Variants in CHN1 observed in about 807,000 individuals in gnomAD.
The protein encoded by CHN1 is N-chimaerin.
A neutral mutation model predicts 59.5 loss-of-function variants in CHN1; 37 were observed. The ratio of observed to expected loss-of-function variants is 0.62; its 90% CI spans 0.48 to 0.82. CHN1 has a LOEUF of 0.82. Among genes scored for constraint, CHN1 ranks in the 40% least tolerant of loss-of-function variants. The pLI, the probability that CHN1 is intolerant of heterozygous loss-of-function variation, is 0.00. For synonymous variants in CHN1, 206 were observed against 200.4 expected (o/e 1.03, Z -0.24); for missense variants, 469 against 571.0 (o/e 0.82, Z 1.82).
chr2:175,001,720 A>G (rs1311117698), intron 1 of CHN1, among the ~76,000 whole-genome samples: 2 of 152,324 alleles, frequency 1.3e-5, no homozygotes, highest in South Asian at 2.1e-4. Context: ...CAATCGCATC[A>G]GTTGGTCTGG....
intron 10 of CHN1, among the ~76,000 whole-genome samples, chr2:174,809,971 T>TCAGTCATTCC: frequency 6.6e-6 from 1 of 152,200 alleles, no homozygotes; most frequent in East Asian, 1.9e-4. Flanking sequence ...ATTCAGTCAC[T>TCAGTCATTCC]ATTTCCTAAG....
intron 8 of CHN1, among the ~76,000 whole-genome samples, chr2:174,823,328 A>T (rs1420501096): frequency 1.3e-5 from 2 of 152,220 alleles, no homozygotes; most frequent in African/African-American, 4.8e-5. Flanking sequence ...AATAATAGAC[A>T]TTTAAAATTT....
chr2:174,881,626 T>A (rs1271184502), intron 5 of CHN1, among the ~76,000 whole-genome samples: 2 of 152,138 alleles, frequency 1.3e-5, no homozygotes, highest in African/African-American at 2.4e-5. Context: ...AACACTAAAG[T>A]AAAACAGCAA....
intron 11 of CHN1, among the ~76,000 whole-genome samples, chr2:174,806,305 G>T (rs1684883723): frequency 6.6e-6 from 1 of 152,092 alleles, no homozygotes; most frequent in Non-Finnish European, 1.5e-5. Context: ...TAAGCTACAG[G>T]TTCCTCCAAG....
chr2:174,907,123 C>T (rs1688565991), intron 5 of CHN1, among the ~76,000 whole-genome samples: 1 of 152,102 alleles, frequency 6.6e-6, no homozygotes, highest in African/African-American at 2.4e-5. Flanking sequence ...AGACATTAAT[C>T]AGAAGGCTGC....
intron 5 of CHN1, among the ~76,000 whole-genome samples, chr2:174,905,808 T>C (rs1213634871): frequency 2.0e-5 from 3 of 152,160 alleles, no homozygotes; most frequent in Admixed American, 2.0e-4. Context: ...TCTACCCGCT[T>C]CGGCCTCCCA....
intron 3 of CHN1, among the ~76,000 whole-genome samples, chr2:174,936,876 C>A (rs1689514147): frequency 2.0e-5 from 3 of 151,966 alleles, no homozygotes; most frequent in South Asian, 2.1e-4. Flanking sequence ...TTAAAGCCTG[C>A]CTAAAATAAT....
chr2:174,838,372 A>C (rs915300849), intron 7 of CHN1, among the ~76,000 whole-genome samples: 4 of 152,010 alleles, frequency 2.6e-5, no homozygotes, highest in Non-Finnish European at 5.9e-5. Flanking sequence ...GGATTACAGG[A>C]ATGAGCCACT....
At chr2:174,868,942 T>C (rs1188216481) in intron 6 of CHN1, among the ~76,000 whole-genome samples, 2 of 152,218 alleles carry the variant, frequency 1.3e-5, no homozygotes, top group African/African-American at 2.4e-5. Flanking sequence ...TGGTACCTGG[T>C]ACCATGAGGT....
intron 5 of CHN1, among the ~76,000 whole-genome samples, chr2:174,891,205 T>G: frequency 1.0e-5 from 1 of 98,940 alleles, no homozygotes; most frequent in South Asian, 3.3e-4. Flanking sequence ...TATGTGGAAA[T>G]CAAATAATAT....
Position 175,004,895 on chromosome 2 carries a change from A to C in CHN1, c.18T>G (p.Phe6Leu), listed in dbSNP as rs1236327283. Reference protein sequence around the residue: MALTLFDTDEYRPPVW... With the variant: MALTLLDTDEYRPPVW... Reference sequence around the variant, plus strand: ...GCGCGGGGAGACGGCTGCACTTACCAAACAGGGTCAGGGCCATTGTAAAGG... The same window carrying C: ...GCGCGGGGAGACGGCTGCACTTACCCAACAGGGTCAGGGCCATTGTAAAGG... The change falls in exon 1 of 13, where the codon TTT becomes TTG. Residue 6 changes from phenylalanine to leucine, a missense_variant and splice_region_variant. Physicochemically the swap from Phe to Leu is conservative, Grantham distance 22 (BLOSUM62 0). This residue lies in a region of CHN1 where 152 missense variants were observed against 166.1 expected (regional missense o/e 0.92). Coordinates refer to ENST00000409900, the MANE Select transcript of CHN1 (RefSeq NM_001822.7). 4.0e-6 allele frequency: 6 copies of C among 1,508,704 alleles called. No individual in the cohort carries two copies. The highest frequency in any genetic ancestry group is 2.1e-4 in the Middle Eastern group (1 of 4,716). The allele number at this position is 1,508,704 out of a possible 1,614,324, so 93.5% of individuals were successfully genotyped here.
Position 174,799,480 on chromosome 2 carries a change from T to A in CHN1, c.*636A>T. On this transcript the variant is annotated 3_prime_UTR_variant, in exon 13 of 13. Coordinates refer to ENST00000409900, the MANE Select transcript of CHN1 (RefSeq NM_001822.7). ...ATTACAACTGAAAACCAATAATAAT[T>A]TAACAGAAAATGCTGTGTTGTACAC... 1 of 483,906 alleles carries A rather than the reference T, an allele frequency of 2.1e-6. No homozygotes were observed. Among genetic ancestry groups the A allele is most frequent in the Non-Finnish European group, 4.0e-6 (1 of 249,676 alleles). The allele number at this position is 483,906 out of a possible 1,614,324, so 30.0% of individuals were successfully genotyped here.
intron 6 of CHN1, among the ~76,000 whole-genome samples, chr2:174,854,361 A>G (rs977027193): frequency 3.9e-5 from 6 of 152,178 alleles, no homozygotes; most frequent in Admixed American, 2.6e-4. Context: ...AGTGTGAGGA[A>G]TAAGAAATAG....
chr2:174,832,144 T>C (rs908132261), intron 7 of CHN1, among the ~76,000 whole-genome samples: 5 of 152,088 alleles, frequency 3.3e-5, no homozygotes, highest in Non-Finnish European at 1.5e-5. Context: ...TCTGAAGAAG[T>C]ACTGTTAACA....
rs1278383094 is a variant in CHN1 at position 174,801,831 on chromosome 2, T to C, written c.1103-19A>G. 1 of 1,547,836 alleles carries C rather than the reference T, an allele frequency of 6.5e-7. No individual in the cohort carries two copies. The highest frequency in any genetic ancestry group is 2.2e-5 in the East Asian group (1 of 44,474). On this transcript the variant is annotated intron_variant, in intron 11 of 12. Transcript: ENST00000409900. ...ATAATTTCTAAAATAGCAAGTCGAA[T>C]ACCAAGAAGAAAAGAAATAACACAA...
intron 8 of CHN1, among the ~76,000 whole-genome samples, chr2:174,816,015 G>A (rs1685243203): frequency 6.6e-6 from 1 of 152,162 alleles, no homozygotes; most frequent in Non-Finnish European, 1.5e-5. Context: ...GGCACTGGGT[G>A]GGAGGGAGAG....
At chr2:174,966,835 C>G (rs1319368848) in intron 1 of CHN1, among the ~76,000 whole-genome samples, 1 of 152,084 alleles carries the variant, frequency 6.6e-6, no homozygotes. Context: ...ACAGGATTTC[C>G]AAAAGGGAAC....
intron 3 of CHN1, among the ~76,000 whole-genome samples, chr2:174,930,971 C>T (rs1487412643): frequency 2.6e-5 from 4 of 151,894 alleles, no homozygotes; most frequent in African/African-American, 4.8e-5. Flanking sequence ...GGTTTCACTA[C>T]GTTAGCCAGG....
chr2:174,958,090 G>C (rs1012904586), intron 1 of CHN1, among the ~76,000 whole-genome samples: 8 of 148,434 alleles, frequency 5.4e-5, no homozygotes, highest in Non-Finnish European at 1.2e-4. Context: ...TTGAGCCCAG[G>C]AGTTCAAGAT....
Sources: gnomAD v4.1 joint callset for allele counts (sites outside exome capture counted in the v4.1 genomes callset) on GRCh38, gnomAD v4.1.1 for gene constraint, gnomAD v4.1.1 regional missense constraint, MANE v1.5 for transcripts, NCBI Gene and HGNC (gene_info 2026-07-23, HGNC 2026-07-21) for gene names.